CALN1: variants seen among roughly 807,000 people sequenced by gnomAD.
The protein encoded by CALN1 is calcium-binding protein 8.
In CALN1, 17 loss-of-function variants were observed where a neutral mutation model predicts 30.6. The ratio of observed to expected loss-of-function variants is 0.56; its 90% CI spans 0.38 to 0.83. The LOEUF is 0.83. Ranked by LOEUF, CALN1 falls within the 40% of genes least tolerant of loss-of-function variation. The pLI is 0.00. For synonymous variants in CALN1, 156 were observed against 131.4 expected, an observed-to-expected ratio of 1.19 and a Z score of -1.28; for missense variants, 291 against 354.9, an observed-to-expected ratio of 0.82 and a Z score of 1.45.
At chr7:72,397,712 T>TCACACACACACA (rs1248212217) in intron 2 of CALN1, among the ~76,000 whole-genome samples, 1,040 of 70,202 alleles carry the variant, frequency 0.015, 8 homozygotes, top group Middle Eastern at 0.02. Context: ...ACCCATTCTC[T>TCACACACACACA]CTCACACACA....
At chr7:71,823,745 AAAAGAAAAGAAAAAGAG>A (rs1319314866) in intron 5 of CALN1, among the ~76,000 whole-genome samples, 1 of 152,020 alleles carries the variant, frequency 6.6e-6, no homozygotes, top group Non-Finnish European at 1.5e-5. Flanking sequence ...AAAATTAATA[AAAAGAAAAGAAAAAGAG>A]AAAGAAAAGA....
intron 2 of CALN1, among the ~76,000 whole-genome samples, chr7:72,318,946 G>T (rs1442001572): frequency 6.6e-6 from 1 of 151,528 alleles, no homozygotes; most frequent in Non-Finnish European, 1.5e-5. Flanking sequence ...GAATACAAAT[G>T]AGCACAACCT....
chr7:72,281,301 G>A (rs1214237094), intron 2 of CALN1, among the ~76,000 whole-genome samples: 1 of 152,068 alleles, frequency 6.6e-6, no homozygotes, highest in Non-Finnish European at 1.5e-5. Context: ...AGAGATATAA[G>A]AAACAAATCT....
intron 5 of CALN1, among the ~76,000 whole-genome samples, chr7:71,904,241 C>A (rs1794011411): frequency 6.6e-6 from 1 of 152,166 alleles, no homozygotes; most frequent in African/African-American, 2.4e-5. Context: ...TGAAGAGAAT[C>A]TGCACTCCCT....
intron 1 of CALN1, among the ~76,000 whole-genome samples, chr7:72,409,313 C>T (rs1460550142): frequency 1.3e-5 from 2 of 151,830 alleles, no homozygotes; most frequent in Non-Finnish European, 2.9e-5. Context: ...CTTAAATGGA[C>T]CTCTGTGCTT....
At chr7:72,404,536 G>C (rs1806571430) in intron 1 of CALN1, among the ~76,000 whole-genome samples, 1 of 152,200 alleles carries the variant, frequency 6.6e-6, no homozygotes, top group South Asian at 2.1e-4. Flanking sequence ...CCATCTGAGA[G>C]AGTTGTACCC....
At chr7:72,071,763 A>G (rs1455429329) in intron 4 of CALN1, among the ~76,000 whole-genome samples, 3 of 152,254 alleles carry the variant, frequency 2.0e-5, no homozygotes, top group Non-Finnish European at 4.4e-5. Flanking sequence ...TTCAAAGGAA[A>G]AAATAATAAA....
At chr7:72,428,402 T>A (rs1472002670) in intron 1 of CALN1, among the ~76,000 whole-genome samples, 1 of 151,326 alleles carries the variant, frequency 6.6e-6, no homozygotes, top group Non-Finnish European at 1.5e-5. Context: ...TTATTATTTT[T>A]TTTTTTTGAG....
intron 3 of CALN1, among the ~76,000 whole-genome samples, chr7:72,140,952 T>C (rs557153418): frequency 8.7e-4 from 133 of 152,256 alleles, no homozygotes; most frequent in African/African-American, 3.0e-3. Context: ...GACAGCCCCA[T>C]TGTGAATGTC....
At chr7:72,190,446 T>G (rs1790521235) in intron 3 of CALN1, among the ~76,000 whole-genome samples, 1 of 152,110 alleles carries the variant, frequency 6.6e-6, no homozygotes. Context: ...ATGAGGGAAG[T>G]GACAGCAGCA....
Position 72,221,340 on chromosome 7 carries a change from C to T in CALN1, c.244+57346G>A, listed in dbSNP as rs528483882. Among the ~76,000 whole-genome samples, 360 of 100,702 alleles carry T rather than the reference C, an allele frequency of 3.6e-3. 1 individual carries two copies. Among genetic ancestry groups the T allele is most frequent in the Middle Eastern group, 0.014 (2 of 140 alleles). The allele number at this position is 100,702 out of a possible 152,430, so 66.1% of individuals were successfully genotyped here. On this transcript the variant is annotated intron_variant, in intron 3 of 6. Transcript: ENST00000395275. The stretch of plus-strand genomic sequence containing the variant: ...TTTTTTTTTTTTTTTTTTTTTGAGA[C>T]GGGGTATCTATCTGTTGCCCAGGCT...
At chr7:71,816,067 G>T (rs1339808100) in intron 5 of CALN1, among the ~76,000 whole-genome samples, 1 of 149,886 alleles carries the variant, frequency 6.7e-6, no homozygotes, top group East Asian at 2.0e-4. Context: ...AGAGAGTCTT[G>T]CTATGTTGCC....
intron 2 of CALN1, among the ~76,000 whole-genome samples, chr7:72,394,722 C>G (rs899329532): frequency 6.7e-6 from 1 of 149,534 alleles, no homozygotes; most frequent in African/African-American, 2.5e-5. Context: ...AGTGCAGTGG[C>G]GCAATCGTAG....
chr7:72,181,100 C>CCA (rs1789760875), intron 3 of CALN1, among the ~76,000 whole-genome samples: 1 of 89,056 alleles, frequency 1.1e-5, no homozygotes, highest in Non-Finnish European at 2.2e-5. Context: ...TGCATAACCC[C>CCA]CCCCCCCCCC....
intron 5 of CALN1, among the ~76,000 whole-genome samples, chr7:72,008,728 T>C (rs1297152218): frequency 6.6e-6 from 1 of 151,282 alleles, no homozygotes; most frequent in Non-Finnish European, 1.5e-5. Flanking sequence ...TGATTTCGGC[T>C]CACTGCAACC....
chr7:72,254,964 T>G (rs1278919466), intron 3 of CALN1, among the ~76,000 whole-genome samples: 3 of 152,096 alleles, frequency 2.0e-5, no homozygotes, highest in Non-Finnish European at 4.4e-5. Context: ...ATTTATTGTT[T>G]GTATTTTTAG....
At position 72,353,821 on chromosome 7, in the gene CALN1, G is replaced by A. The variant is rs1803074435; in HGVS notation, c.119+49430C>T. 1.3e-5 allele frequency among the ~76,000 whole-genome samples: 2 copies of A among 152,134 alleles called. 1 individual carries two copies. The highest frequency in any genetic ancestry group is 4.1e-4 in the South Asian group (2 of 4,824). On this transcript the variant is annotated intron_variant, in intron 2 of 6. Transcript: ENST00000395275. Reference sequence around the variant, plus strand: ...AAAAAATAAGGGTATTTGAATGAAAGTGACCTTAACAAGGTCACAGAATAC... The same window carrying A: ...AAAAAATAAGGGTATTTGAATGAAAATGACCTTAACAAGGTCACAGAATAC...
intron 2 of CALN1, among the ~76,000 whole-genome samples, chr7:72,315,761 A>G (rs1800399573): frequency 6.6e-6 from 1 of 152,168 alleles, no homozygotes; most frequent in Admixed American, 6.5e-5. Flanking sequence ...GTAAGGATGG[A>G]TAGAAATAAA....
At chr7:71,949,564 G>T (rs1269514130) in intron 5 of CALN1, among the ~76,000 whole-genome samples, 1 of 151,374 alleles carries the variant, frequency 6.6e-6, no homozygotes, top group East Asian at 2.0e-4. Context: ...GTTTGTAGTA[G>T]AGATGGGGTT....
Sources: gnomAD v4.1 joint callset for allele counts (sites outside exome capture counted in the v4.1 genomes callset) on GRCh38, gnomAD v4.1.1 for gene constraint, MANE v1.5 for transcripts, NCBI Gene and HGNC (gene_info 2026-07-23, HGNC 2026-07-21) for gene names.